The following PUDP variants were observed in gnomAD, a reference collection of about 807,000 sequenced individuals.
PUDP encodes the protein pseudouridine 5'-phosphatase.
Under a neutral mutation model 9.4 loss-of-function variants are expected in PUDP, and 8 were observed. The observed-to-expected ratio is 0.85, with a 90% CI of 0.50 to 1.53. PUDP has a LOEUF of 1.53. Ranked by LOEUF, PUDP falls within the 40% of genes most tolerant of loss-of-function variation. The probability of loss-of-function intolerance (pLI) is 0.00; values close to 1 mark genes in which losing one functional copy is unlikely to be tolerated. For missense variants in PUDP, 188 were observed against 189.7 expected (o/e 0.99, Z 0.05); for synonymous variants, 99 against 80.7 (o/e 1.23, Z -1.22).
At chrX:7,116,531 C>T (rs1381588745) in intron 1 of PUDP, among the ~76,000 whole-genome samples, 2 of 110,722 alleles carry the variant, frequency 1.8e-5, no homozygotes, top group Non-Finnish European at 3.8e-5. Context: ...CCCTGGGACC[C>T]CTGCCCTGCT....
intron 3 of PUDP, among the ~76,000 whole-genome samples, chrX:6,809,392 TGCTCAAGGGA>T (rs1425161712): frequency 9.1e-6 from 1 of 109,634 alleles, no homozygotes; most frequent in Non-Finnish European, 1.9e-5. Context: ...CAAACTCCTA[TGCTCAAGGGA>T]GCATAGGAGT....
intron 3 of PUDP, among the ~76,000 whole-genome samples, chrX:6,822,512 C>T (rs1198619425): frequency 2.7e-5 from 3 of 111,651 alleles, no homozygotes; most frequent in Non-Finnish European, 5.6e-5. Context: ...CTGCAAGCTC[C>T]GCCTCCCGGG....
At chrX:7,110,581 C>G (rs1387658466) in intron 1 of PUDP, among the ~76,000 whole-genome samples, 1 of 111,878 alleles carries the variant, frequency 8.9e-6, no homozygotes, top group African/African-American at 3.3e-5. Flanking sequence ...ACATGCAGCC[C>G]TGTGAAGAGA....
intron 3 of PUDP, among the ~76,000 whole-genome samples, chrX:6,858,617 G>A (rs921276854): frequency 3.6e-5 from 4 of 111,607 alleles, no homozygotes; most frequent in Non-Finnish European, 7.5e-5. Context: ...CCAGGACCCA[G>A]CCTATGTGTA....
At chrX:7,135,228 C>T (rs1932713313) in intron 1 of PUDP, among the ~76,000 whole-genome samples, 1 of 112,043 alleles carries the variant, frequency 8.9e-6, no homozygotes, top group East Asian at 2.8e-4. Flanking sequence ...CACAGTAGCT[C>T]CTCAGGATCA....
intron 1 of PUDP, among the ~76,000 whole-genome samples, chrX:6,713,896 T>C (rs191903336): frequency 3.3e-3 from 363 of 110,658 alleles, no homozygotes; most frequent in Non-Finnish European, 5.6e-3. Context: ...TTTAGAATTA[T>C]TATTATTATT....
intron 1 of PUDP, among the ~76,000 whole-genome samples, chrX:7,041,098 C>G (rs1929915756): frequency 8.9e-6 from 1 of 112,047 alleles, no homozygotes; most frequent in Non-Finnish European, 1.9e-5. Flanking sequence ...GAGTCATGTT[C>G]TGAGGGGATT....
chrX:6,823,159 A>G (rs1376743734), intron 3 of PUDP, among the ~76,000 whole-genome samples: 3 of 111,734 alleles, frequency 2.7e-5, no homozygotes, highest in African/African-American at 9.8e-5. Context: ...CCCGGGTGAC[A>G]AAGTAAGACC....
At chrX:6,885,865 A>C (rs145040424) in intron 3 of PUDP, among the ~76,000 whole-genome samples, 12 of 112,825 alleles carry the variant, frequency 1.1e-4, no homozygotes, top group Admixed American at 3.7e-4. Context: ...AATGGAACTG[A>C]ATACAGAGAT....
At chrX:6,825,669 A>T (rs888751157) in intron 3 of PUDP, among the ~76,000 whole-genome samples, 2 of 110,356 alleles carry the variant, frequency 1.8e-5, no homozygotes, top group African/African-American at 6.6e-5. Context: ...CATTCAAACA[A>T]GAGGAATTGA....
At chrX:6,858,206 A>G (rs1052370586) in intron 3 of PUDP, among the ~76,000 whole-genome samples, 4 of 111,476 alleles carry the variant, frequency 3.6e-5, no homozygotes, top group Admixed American at 2.8e-4. Context: ...GCTGGTGAAC[A>G]TCTTGATATG....
intron 3 of PUDP, among the ~76,000 whole-genome samples, chrX:6,872,127 C>CT (rs1460844354): frequency 9.0e-6 from 1 of 110,824 alleles, no homozygotes; most frequent in Non-Finnish European, 1.9e-5. Flanking sequence ...AGGCCCATCT[C>CT]TTAACATCAT....
chrX:7,066,682 G>A (rs760550536), intron 3 of PUDP, among the ~76,000 whole-genome samples: 1 of 111,589 alleles, frequency 9.0e-6, no homozygotes, highest in South Asian at 3.8e-4. Context: ...ATGGCCAGGG[G>A]ATTGGGGACT....
At chrX:6,811,745 G>T (rs1199687221) in intron 3 of PUDP, among the ~76,000 whole-genome samples, 2 of 111,905 alleles carry the variant, frequency 1.8e-5, no homozygotes, top group African/African-American at 6.5e-5. Flanking sequence ...GCCTCCCAAA[G>T]TGCTGTGATT....
intron 3 of PUDP, among the ~76,000 whole-genome samples, chrX:6,781,817 A>G (rs1357678403): frequency 8.9e-6 from 1 of 112,156 alleles, no homozygotes; most frequent in Non-Finnish European, 1.9e-5. Context: ...GGATGCTACT[A>G]AATATCTTAC....
intron 3 of PUDP, among the ~76,000 whole-genome samples, chrX:6,908,253 G>A (rs1461297050): frequency 1.8e-5 from 2 of 112,358 alleles, no homozygotes; most frequent in African/African-American, 3.2e-5. Flanking sequence ...TACATATCAC[G>A]TACTATTCTG....
chrX:7,002,770 A>C (rs1282223334), intron 1 of PUDP, among the ~76,000 whole-genome samples: 1 of 111,092 alleles, frequency 9.0e-6, no homozygotes, highest in East Asian at 2.9e-4. Flanking sequence ...GATGGAACTC[A>C]TCAGAGGGAA....
chrX:7,081,730 CTCT>C (rs1241041726), intron 2 of PUDP, among the ~76,000 whole-genome samples: 1 of 113,208 alleles, frequency 8.8e-6, no homozygotes, highest in African/African-American at 3.2e-5. Context: ...ATTATACGCC[CTCT>C]TTGGGCCTCA....
At chrX:6,813,962 A>C (rs771696655) in intron 3 of PUDP, among the ~76,000 whole-genome samples, 1 of 111,570 alleles carries the variant, frequency 9.0e-6, no homozygotes, top group South Asian at 3.8e-4. Context: ...CATCAAAGGC[A>C]GGAGTGAAAC....
Sources: gnomAD v4.1 joint callset for allele counts (sites outside exome capture counted in the v4.1 genomes callset) on GRCh38, gnomAD v4.1.1 for gene constraint, MANE v1.5 for transcripts, NCBI Gene and HGNC (gene_info 2026-07-23, HGNC 2026-07-21) for gene names.